SPTBN2: variants seen among roughly 807,000 people sequenced by gnomAD.
SPTBN2 encodes the protein spectrin beta, non-erythrocytic 2, also known as spectrin beta chain, non-erythrocytic 2.
A neutral mutation model predicts 284.2 loss-of-function variants in SPTBN2; 107 were observed. The ratio of observed to expected loss-of-function variants is 0.38; its 90% CI spans 0.32 to 0.44. The LOEUF (loss-of-function observed/expected upper bound fraction) is 0.44. Ranked by LOEUF, SPTBN2 falls within the 20% of genes least tolerant of loss-of-function variation. The pLI, the probability that SPTBN2 is intolerant of heterozygous loss-of-function variation, is 1.00. For synonymous variants in SPTBN2, 1,289 were observed against 1,354.8 expected, an observed-to-expected ratio of 0.95 and a Z score of 1.07; for missense variants, 2,569 against 3,287.1, an observed-to-expected ratio of 0.78 and a Z score of 5.34.
chr11:66,726,788 A>T (rs1942634792), intron 1 of SPTBN2, among the ~76,000 whole-genome samples: 1 of 152,222 alleles, frequency 6.6e-6, no homozygotes, highest in Non-Finnish European at 1.5e-5. Context: ...AGATTAGAAG[A>T]AATGGGGACT....
rs1003932104 is a variant in SPTBN2 at position 66,693,536 on chromosome 11, C to T, written c.4594-90G>A. ...CCACCCTTCACCCCTGTGCCTCTCT[C>T]CTTCCTGGGTCCTCTGCTCCCTCTC... is the stretch of plus-strand genomic sequence containing the variant. On this transcript the variant is annotated intron_variant, in intron 23 of 37. Coordinates refer to ENST00000533211, the MANE Select transcript of SPTBN2 (RefSeq NM_006946.4). The surrounding 1 kb of genome is among the most constrained non-coding windows in gnomAD (Gnocchi z 5.7). 3.3e-6 allele frequency: 5 copies of T among 1,535,276 alleles called. No homozygotes were observed. The highest frequency in any genetic ancestry group is 1.4e-5 in the African/African-American group (1 of 73,112).
At chr11:66,728,662 C>T (rs1207851335) in intron 1 of SPTBN2, 79 bp downstream of exon 1, 1 of 152,402 alleles carries the variant, frequency 6.6e-6, no homozygotes, top group African/African-American at 2.4e-5. Flanking sequence ...CCCCAAAACC[C>T]CGCCTTCCCG....
intron 20 of SPTBN2, 89 bp from the exon 21 acceptor site, chr11:66,696,629 A>G (rs1940932459): frequency 7.1e-6 from 11 of 1,550,712 alleles, no homozygotes; most frequent in Non-Finnish European, 9.7e-6. Context: ...CGGGCAGTAG[A>G]GACCTGAAGT....
rs1940681649 is a variant in SPTBN2 at position 66,693,210 on chromosome 11, G to T, written c.4830C>A (p.His1610Gln). 3 of 1,614,120 alleles carry T rather than the reference G, an allele frequency of 1.9e-6. No individual in the cohort carries two copies. Residue 1610 changes from histidine (H) to glutamine (Q), a missense_variant, in exon 24 of 38, where the codon CAC (histidine) becomes CAA (glutamine). His to Gln is a conservative substitution (Grantham distance 24, BLOSUM62 0). This residue lies in a region of SPTBN2 where 1,130 missense variants were observed against 1,317.3 expected (regional missense o/e 0.86). Transcript: ENST00000533211. The surrounding 1 kb of genome is among the most constrained non-coding windows in gnomAD (Gnocchi z 5.7). ...AEAWMGEQEL[H>Q]MMGQEKAKDE... is the part of the protein sequence containing the mutation. ...CCTTGGCCTTCTCCTGGCCCATCATGTGTAATTCCTGCTCGCCCATCCAGG... is the reference window on the plus strand; with the variant it reads ...CCTTGGCCTTCTCCTGGCCCATCATTTGTAATTCCTGCTCGCCCATCCAGG...
chr11:66,687,839 A>G lies in SPTBN2; in HGVS notation c.6501+29T>C. 2 of 1,613,854 alleles carry G rather than the reference A, an allele frequency of 1.2e-6. No individual in the cohort carries two copies. The highest frequency in any genetic ancestry group is 1.7e-6 in the Non-Finnish European group (2 of 1,179,888). On this transcript the variant is annotated intron_variant, in intron 34 of 37. Coordinates refer to ENST00000533211, the MANE Select transcript of SPTBN2 (RefSeq NM_006946.4). The surrounding 1 kb of genome is among the most constrained non-coding windows in gnomAD (Gnocchi z 5.2). ...CCTCTGGACCCTTCGCCTCACAGTT[A>G]TCAACACCACACTTGCAGGGGAACT...
chr11:66,694,623 G>T lies in SPTBN2; in HGVS notation c.4279-260C>A, dbSNP rs554682976. The stretch of plus-strand genomic sequence containing the variant: ...GGGTTCAATTACACCCCAAACTTCA[G>T]CATCACACAATATAACTTATAACAA... On this transcript the variant is annotated intron_variant, in intron 21 of 37. Transcript: ENST00000533211. Among the ~76,000 whole-genome samples, 19 of 152,274 alleles carry T rather than the reference G, an allele frequency of 1.2e-4. No individual in the cohort carries two copies. In the East Asian group the frequency reaches 2.3e-3, roughly 19 times the overall value.
chr11:66,687,435 A>G lies in SPTBN2; in HGVS notation c.6714T>C (p.Ala2238=), dbSNP rs1389454238. 2.5e-6 allele frequency: 4 copies of G among 1,606,174 alleles called. No individual in the cohort carries two copies. In the East Asian group the frequency reaches 8.9e-5, roughly 36 times the overall value. ...CTCCAGAGAGGCTGTACCTGTTGGC[A>G]GCCTTCTTCCCGAAGGCCTCCATCT... The part of the protein sequence containing the change: ...KQEMEAFGKK[A]ANRSWQNVYC... Residue 2238 remains alanine (A), a synonymous_variant, in exon 35 of 38, where the codon GCT becomes GCC. Transcript: ENST00000533211. This position sits in a 1 kb window ranked among gnomAD's most constrained non-coding sequence, Gnocchi z 5.2.
rs144465703 is a variant in SPTBN2 at position 66,691,466 on chromosome 11, G to C, written c.5383C>G (p.Gln1795Glu). ...AGCTCGTACGCCGCGGCCAGCACCT[G>C]ACCCCGTGTGTCCAGCAGCTCAAGC... ...DLLELLDTRG[Q>E]VLAAAYELQR... The change falls in exon 27 of 38, where the codon CAG (glutamine) becomes GAG (glutamate). Residue 1795 changes from glutamine (Q) to glutamate (E), a missense_variant. Coordinates refer to ENST00000533211, the MANE Select transcript of SPTBN2 (RefSeq NM_006946.4). This position sits in a 1 kb window ranked among gnomAD's most constrained non-coding sequence, Gnocchi z 8.0. 6.7e-5 allele frequency: 108 copies of C among 1,611,614 alleles called. No individual in the cohort carries two copies. Among genetic ancestry groups the C allele is most frequent in the Non-Finnish European group, 9.0e-5 (106 of 1,179,964 alleles).
intron 3 of SPTBN2, among the ~76,000 whole-genome samples, chr11:66,719,098 A>T (rs998346682): frequency 6.6e-6 from 1 of 152,262 alleles, no homozygotes; most frequent in Non-Finnish European, 1.5e-5. Flanking sequence ...GTCCTTCTCC[A>T]GGATGTGTGG....
chr11:66,687,816 T>C lies in SPTBN2; in HGVS notation c.6501+52A>G. The C allele has an allele frequency of 6.4e-7, 1 of 1,551,778 alleles. No homozygotes were observed. The highest frequency in any genetic ancestry group is 1.1e-5 in the South Asian group (1 of 89,812). On this transcript the variant is annotated intron_variant, in intron 34 of 37. Transcript: ENST00000533211. The surrounding 1 kb of genome is among the most constrained non-coding windows in gnomAD (Gnocchi z 5.2). ...TCCCCCACCCGCACTCACCACCCCC[T>C]CTGGACCCTTCGCCTCACAGTTATC...
chr11:66,708,289 C>T lies in SPTBN2; in HGVS notation c.1202G>A (p.Arg401Gln), dbSNP rs779023477. ...LISDINKAWE[R>Q]LEKAEHEREL... ...ACGCTCGTGCTCCGCCTTCTCCAGCCGCTCCCAAGCCTATGGGGTGGGGAC... is the reference window on the plus strand; with the variant it reads ...ACGCTCGTGCTCCGCCTTCTCCAGCTGCTCCCAAGCCTATGGGGTGGGGAC... The change falls in exon 12 of 38, where the codon CGG becomes CAG. Residue 401 changes from arginine (R) to glutamine (Q), a missense_variant. Transcript: ENST00000533211. This position sits in a 1 kb window ranked among gnomAD's most constrained non-coding sequence, Gnocchi z 4.4. 1.8e-5 allele frequency: 28 copies of T among 1,593,982 alleles called. No homozygotes were observed. The highest frequency in any genetic ancestry group is 8.0e-5 in the African/African-American group (6 of 74,616).
chr11:66,687,197 C>A lies in SPTBN2; in HGVS notation c.6723-30G>T, dbSNP rs748845083. The A allele has an allele frequency of 1.2e-6, 2 of 1,612,204 alleles. No individual in the cohort carries two copies. The highest frequency in any genetic ancestry group is 1.7e-6 in the Non-Finnish European group (2 of 1,179,802). ...GAGGGACGCGGTGCTGACTGGCCGG[C>A]CTCAGTGGCGCCCGCAACCTGGAGC... On this transcript the variant is annotated intron_variant, in intron 35 of 37. Transcript: ENST00000533211. This position sits in a 1 kb window ranked among gnomAD's most constrained non-coding sequence, Gnocchi z 5.2.
chr11:66,742,114 G>T (rs1942899575), intron 1 of SPTBN2, among the ~76,000 whole-genome samples: 1 of 152,174 alleles, frequency 6.6e-6, no homozygotes. Context: ...GAGCCACCAT[G>T]CCTGATTTAT....
At position 66,692,963 on chromosome 11, in the gene SPTBN2, C is replaced by T; in HGVS notation, c.4985+7G>A. 1 of 1,603,406 alleles carries T rather than the reference C, an allele frequency of 6.2e-7. No individual in the cohort carries two copies. Among genetic ancestry groups the T allele is most frequent in the Non-Finnish European group, 8.5e-7 (1 of 1,179,934 alleles). ...CCCAGGCTGGGCCGGGCTGCCGCTG[C>T]ACCCACCTCTCTGGGTGCTCGTGGT... On this transcript the variant is annotated splice_region_variant and intron_variant, in intron 25 of 37. Transcript: ENST00000533211.
Position 66,693,967 on chromosome 11 carries a change from A to G in SPTBN2, c.4504-106T>C, listed in dbSNP as rs530051123. 1 of 1,316,522 alleles carries G rather than the reference A, an allele frequency of 7.6e-7. No homozygotes were observed. The highest frequency in any genetic ancestry group is 1.5e-5 in the African/African-American group (1 of 68,584). 81.6% of individuals were successfully genotyped at this position (1,316,522 alleles called of 1,614,324 possible). ...TGGGGCTACCGCCCTGTGTGTGGGGAACAGTCATCTCTGGTTCTGGGAGGC... is the reference window on the plus strand; with the variant it reads ...TGGGGCTACCGCCCTGTGTGTGGGGGACAGTCATCTCTGGTTCTGGGAGGC... On this transcript the variant is annotated intron_variant, in intron 22 of 37. Transcript: ENST00000533211. This position sits in a 1 kb window ranked among gnomAD's most constrained non-coding sequence, Gnocchi z 5.7.
chr11:66,695,195 G>A (rs1940836772), intron 21 of SPTBN2, among the ~76,000 whole-genome samples: 2 of 152,324 alleles, frequency 1.3e-5, no homozygotes, highest in East Asian at 1.9e-4. Context: ...TCAGAGCAGG[G>A]ACCAGCAAGT....
rs376773049 is a variant in SPTBN2, at chr11:66,707,605, C to T, written c.1564G>A (p.Ala522Thr). 1.4e-5 allele frequency: 23 copies of T among 1,611,398 alleles called. No individual in the cohort carries two copies. Among genetic ancestry groups the T allele is most frequent in the Middle Eastern group, 1.7e-4 (1 of 6,050 alleles). The change falls in exon 13 of 38, where the codon GCC becomes ACC. Residue 522 changes from alanine (A) to threonine (T), a missense_variant. By Grantham distance (58) the Ala-to-Thr change is moderately conservative. Around this residue, in one of 6 missense-constraint regions of SPTBN2, gnomAD observed 1,012 missense variants for 1,248.9 expected, o/e 0.81. Coordinates refer to ENST00000533211, the MANE Select transcript of SPTBN2 (RefSeq NM_006946.4). The surrounding 1 kb of genome is among the most constrained non-coding windows in gnomAD (Gnocchi z 4.9). ...LWDFLRQMVA[A>T]RRERLLLNLE... The stretch of plus-strand genomic sequence containing the variant: ...TTGAGGAGGAGCCGCTCCCGCCGGG[C>T]GGCCACCATCTGCCGCAAGAAGTCC...
At position 66,708,273 on chromosome 11, in the gene SPTBN2, C is replaced by A; in HGVS notation, c.1218G>T (p.Glu406Asp). 6.3e-7 allele frequency: 1 copy of A among 1,597,272 alleles called. No homozygotes were observed. The highest frequency in any genetic ancestry group is 1.1e-5 in the South Asian group (1 of 89,862). Reference sequence around the variant, plus strand: ...TGCGCAGGGCCAGCTCACGCTCGTGCTCCGCCTTCTCCAGCCGCTCCCAAG... The same window carrying A: ...TGCGCAGGGCCAGCTCACGCTCGTGATCCGCCTTCTCCAGCCGCTCCCAAG... ...NKAWERLEKAEHERELALRTE... is the reference protein window; with the variant it reads ...NKAWERLEKADHERELALRTE... Residue 406 changes from glutamate (E) to aspartate (D), a missense_variant, in exon 12 of 38, where the codon GAG (glutamate) becomes GAT (aspartate). Coordinates refer to ENST00000533211, the MANE Select transcript of SPTBN2 (RefSeq NM_006946.4). This position sits in a 1 kb window ranked among gnomAD's most constrained non-coding sequence, Gnocchi z 4.4.
rs768434428 is a variant in SPTBN2 at position 66,699,085 on chromosome 11, G to A, written c.3777-3C>T. The A allele has an allele frequency of 1.8e-5, 29 of 1,614,198 alleles. 1 individual carries two copies. The highest frequency in any genetic ancestry group is 3.3e-5 in the South Asian group (3 of 91,086). On this transcript the variant is annotated splice_polypyrimidine_tract_variant and splice_region_variant and intron_variant, in intron 18 of 37. Coordinates refer to ENST00000533211, the MANE Select transcript of SPTBN2 (RefSeq NM_006946.4). ...CTGCGTCTTGATTCTTCTTGTGCCT[G>A]GAACGACACCCTCTTGTGAAACTCT...
Sources: allele counts gnomAD v4.1 joint callset (sites outside exome capture counted in the v4.1 genomes callset), GRCh38; gene constraint gnomAD v4.1.1; regional missense constraint gnomAD v4.1.1; non-coding constraint Gnocchi (gnomAD v3.1); transcripts MANE v1.5; gene names NCBI Gene and HGNC (gene_info 2026-07-23, HGNC 2026-07-21).